Variants in FNIP2 observed in about 807,000 individuals in gnomAD.
FNIP2 encodes folliculin-interacting protein 2.
A neutral mutation model predicts 108.7 loss-of-function variants in FNIP2; 32 were observed. That is an observed-to-expected ratio of 0.29 (90% confidence interval 0.22 to 0.40). FNIP2 has a LOEUF of 0.40. Ranked by LOEUF, FNIP2 falls within the 10% of genes least tolerant of loss-of-function variation. The pLI is 1.00. For missense variants in FNIP2, 1,202 were observed against 1,381.6 expected, an observed-to-expected ratio of 0.87 and a Z score of 2.06; for synonymous variants, 480 against 496.7, an observed-to-expected ratio of 0.97 and a Z score of 0.45.
intron 14 of FNIP2, among the ~76,000 whole-genome samples, chr4:158,885,317 AG>A (rs1213465592): frequency 1.3e-5 from 2 of 152,182 alleles, no homozygotes; most frequent in African/African-American, 4.8e-5. Context: ...AAACCATATC[AG>A]GGGTCTTATT....
intron 3 of FNIP2, 77 bp from the exon 4 acceptor site, chr4:158,831,784 A>T (rs1008090317): frequency 2.5e-5 from 23 of 919,512 alleles, no homozygotes; most frequent in South Asian, 7.4e-5. Flanking sequence ...CACTAACGAG[A>T]TTAATAAACA....
rs73858598 is a variant in FNIP2 at position 158,868,349 on chromosome 4, G to T, written c.1713G>T (p.Thr571=). ...AGGAGTCTGAGTATGTGGTCATTAC[G>T]GTGAGGAACGAGCCCGCTCTTGTAC... ...EVEESEYVVI[T]VRNEPALVPP... is the part of the protein sequence containing the mutation. Residue 571 remains threonine, a synonymous_variant, in exon 13 of 17, where the codon ACG becomes ACT. Coordinates refer to ENST00000264433, the MANE Select transcript of FNIP2 (RefSeq NM_020840.3). This position sits in a 1 kb window ranked among gnomAD's most constrained non-coding sequence, Gnocchi z 4.6. 1 of 1,613,970 alleles carries T rather than the reference G, an allele frequency of 6.2e-7. No homozygotes were observed. The highest frequency in any genetic ancestry group is 1.7e-5 in the Admixed American group (1 of 60,030).
At chr4:158,781,890 G>GTT (rs140586802) in intron 1 of FNIP2, among the ~76,000 whole-genome samples, 3 of 151,150 alleles carry the variant, frequency 2.0e-5, no homozygotes, top group Non-Finnish European at 4.4e-5. Flanking sequence ...CTCTAAATGA[G>GTT]TTTTTTTTTC....
Position 158,891,630 on chromosome 4 carries a change from A to G in FNIP2, c.3134A>G (p.His1045Arg), listed in dbSNP as rs576114458. Residue 1045 changes from histidine to arginine, a missense_variant, in exon 15 of 17, where the codon CAC becomes CGC. Physicochemically the swap from His to Arg is conservative, Grantham distance 29 (BLOSUM62 0). Around this residue, in one of 5 missense-constraint regions of FNIP2, gnomAD observed 142 missense variants for 183.8 expected, o/e 0.77. Coordinates refer to ENST00000264433, the MANE Select transcript of FNIP2 (RefSeq NM_020840.3). ...LQSILQLYKLHLPADFCIMHL... is the reference protein window; with the variant it reads ...LQSILQLYKLRLPADFCIMHL... ...TCCATTTTACAGCTCTATAAGCTTC[A>G]CCTCCCTGCTGATTTTGTAAGTACT... The G allele has an allele frequency of 6.2e-7, 1 of 1,611,786 alleles. No individual in the cohort carries two copies. The highest frequency in any genetic ancestry group is 1.1e-5 in the South Asian group (1 of 90,660).
At chr4:158,784,797 G>A (rs1414272552) in intron 1 of FNIP2, among the ~76,000 whole-genome samples, 1 of 152,186 alleles carries the variant, frequency 6.6e-6, no homozygotes, top group African/African-American at 2.4e-5. Flanking sequence ...GTTCCTAACA[G>A]GCCATGGTCT....
At chr4:158,884,818 C>T (rs563339608) in intron 14 of FNIP2, among the ~76,000 whole-genome samples, 154 of 152,038 alleles carry the variant, frequency 1.0e-3, no homozygotes, top group African/African-American at 3.7e-3. Context: ...AGAGAGCAAG[C>T]GTATGCGAGG....
At chr4:158,811,149 C>A (rs1369119452) in intron 1 of FNIP2, among the ~76,000 whole-genome samples, 1 of 152,260 alleles carries the variant, frequency 6.6e-6, no homozygotes, top group East Asian at 1.9e-4. Flanking sequence ...ATATTCTTAT[C>A]TTTTATGAGT....
At chr4:158,871,650 C>T (rs1030341081) in intron 14 of FNIP2, 9 of 985,272 alleles carry the variant, frequency 9.1e-6, no homozygotes, top group East Asian at 1.1e-4. Context: ...TGTGGCCAAA[C>T]GTTCCTAACC....
intron 1 of FNIP2, among the ~76,000 whole-genome samples, chr4:158,807,893 A>G (rs1777058374): frequency 6.6e-6 from 1 of 152,224 alleles, no homozygotes; most frequent in African/African-American, 2.4e-5. Context: ...GGTACATTAG[A>G]AAAATACATT....
At position 158,887,736 on chromosome 4, in the gene FNIP2, C is replaced by CAAAAA. The variant is rs10645281; in HGVS notation, c.2950-3693_2950-3689dup. 1.2e-3 allele frequency among the ~76,000 whole-genome samples: 98 copies of CAAAAA among 78,656 alleles called. 2 individuals carry two copies. The highest frequency in any genetic ancestry group is 3.9e-3 in the African/African-American group (76 of 19,418). 51.6% of individuals were successfully genotyped at this position (78,656 alleles called of 152,430 possible). ...TGGGTGACAAAGTGAGACTCTGTCT[C>CAAAAA]AAAAAAAAAAAAAAAAAAAAACCCA... is the stretch of plus-strand genomic sequence containing the variant. On this transcript the variant is annotated intron_variant, in intron 14 of 16. Coordinates refer to ENST00000264433, the MANE Select transcript of FNIP2 (RefSeq NM_020840.3).
intron 1 of FNIP2, among the ~76,000 whole-genome samples, chr4:158,808,033 C>T (rs1441325449): frequency 7.9e-5 from 12 of 152,178 alleles, no homozygotes; most frequent in Admixed American, 7.2e-4. Flanking sequence ...TGATCCCTAG[C>T]TCTGCTGCCC....
intron 2 of FNIP2, 137 bp from the exon 3 acceptor site, chr4:158,828,942 G>A (rs1484402050): frequency 1.6e-5 from 11 of 671,706 alleles, no homozygotes; most frequent in Non-Finnish European, 2.6e-5. Context: ...TGTCATTATT[G>A]GGGAAAAAAA....
chr4:158,842,518 C>T (rs1014113289), intron 7 of FNIP2, among the ~76,000 whole-genome samples: 1 of 152,052 alleles, frequency 6.6e-6, no homozygotes, highest in African/African-American at 2.4e-5. Flanking sequence ...TTTCTTAGAG[C>T]CCAAACTATA....
At chr4:158,834,329 T>TCTCTCTCC (rs1194083212) in intron 6 of FNIP2, 12 of 149,542 alleles carry the variant, frequency 8.0e-5, no homozygotes, top group African/African-American at 1.8e-4. Context: ...TCTCTCTCTC[T>TCTCTCTCC]CCCTCTCTAA....
chr4:158,899,544 T>C (rs1375940631), intron 16 of FNIP2, among the ~76,000 whole-genome samples: 2 of 152,240 alleles, frequency 1.3e-5, no homozygotes, highest in Non-Finnish European at 2.9e-5. Flanking sequence ...TATCAGTCTA[T>C]TCAGGGATTT....
chr4:158,860,956 G>A (rs997192928), intron 10 of FNIP2, among the ~76,000 whole-genome samples: 13 of 152,126 alleles, frequency 8.5e-5, no homozygotes, highest in Admixed American at 5.9e-4. Context: ...GCCCGGCTGA[G>A]AATCTGGGTC....
At chr4:158,797,199 A>G (rs932600216) in intron 1 of FNIP2, among the ~76,000 whole-genome samples, 2 of 152,220 alleles carry the variant, frequency 1.3e-5, no homozygotes, top group African/African-American at 4.8e-5. Context: ...AATTATAGCT[A>G]TATTTTGGGT....
intron 15 of FNIP2, among the ~76,000 whole-genome samples, chr4:158,894,605 G>C (rs999046959): frequency 6.6e-6 from 1 of 152,034 alleles, no homozygotes; most frequent in Non-Finnish European, 1.5e-5. Flanking sequence ...AACAGAAAGG[G>C]TTCAATGTAA....
chr4:158,893,589 C>G (rs1643939872), intron 15 of FNIP2: 17 of 886,028 alleles, frequency 1.9e-5, no homozygotes, highest in East Asian at 1.3e-4. Flanking sequence ...TGCAAGACAT[C>G]TGTCCTGGGG....
Sources: gnomAD v4.1 joint callset for allele counts (sites outside exome capture counted in the v4.1 genomes callset) on GRCh38, gnomAD v4.1.1 for gene constraint, gnomAD v4.1.1 regional missense constraint, Gnocchi (gnomAD v3.1) non-coding constraint, MANE v1.5 for transcripts, NCBI Gene and HGNC (gene_info 2026-07-23, HGNC 2026-07-21) for gene names.